The following GADL1 variants were observed in gnomAD, a reference collection of about 807,000 sequenced individuals.
GADL1 encodes the protein GAD like acidic amino acid decarboxylase 1.
GADL1 carries 71 observed loss-of-function variants against 69.5 expected under a neutral mutation model. The ratio of observed to expected loss-of-function variants is 1.02; its 90% confidence interval spans 0.84 to 1.25. The LOEUF (loss-of-function observed/expected upper bound fraction) is 1.25, where lower values mean the gene tolerates loss of function less well. GADL1 is among the 50% of genes most tolerant of loss of function. The pLI is 0.00. For missense variants in GADL1, 737 were observed against 631.8 expected (o/e 1.17, Z -1.79); for synonymous variants, 254 against 214.4 (o/e 1.18, Z -1.62).
Position 30,803,480 on chromosome 3 carries a change from T to C in GADL1, c.1051-2392A>G, listed in dbSNP as rs1283927496. ...TAAAAATCCCCAAAGCAAACGAACT[T>C]TGGACATTTCTTGAGCAAGTTTTAG... On this transcript the variant is annotated intron_variant, in intron 11 of 14. Transcript: ENST00000282538. Among the ~76,000 whole-genome samples, 3 of 152,128 alleles carry C rather than the reference T, an allele frequency of 2.0e-5. No individual in the cohort carries two copies. The East Asian group carries it at 5.8e-4, about 29-fold the overall frequency.
chr3:30,735,971 A>G (rs942246374), intron 14 of GADL1, among the ~76,000 whole-genome samples: 1 of 152,174 alleles, frequency 6.6e-6, no homozygotes, highest in Non-Finnish European at 1.5e-5. Flanking sequence ...GTGATGGACT[A>G]AATTAACATA....
chr3:30,766,782 TAAG>T (rs1389598722), intron 14 of GADL1, among the ~76,000 whole-genome samples: 1 of 152,002 alleles, frequency 6.6e-6, no homozygotes, highest in Non-Finnish European at 1.5e-5. Context: ...GAGGACAAGG[TAAG>T]AAGGTTGAGT....
chr3:30,844,440 G>T lies in GADL1; in HGVS notation c.678C>A (p.Ala226=), dbSNP rs778659210. 39 of 1,612,952 alleles carry T rather than the reference G, an allele frequency of 2.4e-5. No homozygotes were observed. Among genetic ancestry groups the T allele is most frequent in the Non-Finnish European group, 2.3e-5 (27 of 1,178,956 alleles). ...TCTCAGTGCCAATCCCAAGAAAAGA[G>T]GCTGCCTTCTTCATAGAGTAATGAC... ...AECHYSMKKA[A]SFLGIGTENV... is the part of the protein sequence containing the mutation. Residue 226 remains alanine (A), a synonymous_variant, in exon 7 of 15, where the codon GCC becomes GCA. Transcript: ENST00000282538.
intron 12 of GADL1, among the ~76,000 whole-genome samples, chr3:30,792,570 T>A (rs557080552): frequency 2.0e-5 from 3 of 152,236 alleles, no homozygotes; most frequent in Middle Eastern, 3.4e-3. Context: ...GAGCAAGATC[T>A]TCTCCAACAG....
intron 14 of GADL1, among the ~76,000 whole-genome samples, chr3:30,774,970 A>G (rs1402473026): frequency 6.6e-6 from 1 of 152,154 alleles, no homozygotes; most frequent in Non-Finnish European, 1.5e-5. Context: ...AGACCAGAAA[A>G]GAGACAAATA....
chr3:30,759,080 T>C (rs1696054417), intron 14 of GADL1, among the ~76,000 whole-genome samples: 1 of 151,984 alleles, frequency 6.6e-6, no homozygotes, highest in Non-Finnish European at 1.5e-5. Context: ...CCGTTTTTTT[T>C]CCAGTGCAGA....
rs562906333 is a variant in GADL1, at chr3:30,782,145, T to C, written c.1303-3877A>G. On this transcript the variant is annotated intron_variant, in intron 13 of 14. Transcript: ENST00000282538. ...TGGGAGTCATGTCATGAAGGACTTC[T>C]CGTATGATGTACTTGGAAGCTTGGG... Among the ~76,000 whole-genome samples the C allele has an allele frequency of 3.3e-5, 5 of 152,322 alleles. No homozygotes were observed. The South Asian group carries it at 1.0e-3, about 32-fold the overall frequency.
At chr3:30,855,476 G>T (rs1210173568) in intron 3 of GADL1, among the ~76,000 whole-genome samples, 1 of 151,966 alleles carries the variant, frequency 6.6e-6, no homozygotes, top group East Asian at 1.9e-4. Context: ...TTTCAGATTG[G>T]ACCCATGCGA....
chr3:30,785,401 C>T (rs1216783792), intron 13 of GADL1, among the ~76,000 whole-genome samples: 4 of 148,296 alleles, frequency 2.7e-5, no homozygotes, highest in African/African-American at 7.7e-5. Context: ...TTTTTCCCCC[C>T]GAGACAGAGT....
In GADL1 at chr3:30,786,353, A is replaced by G. The variant is rs1212790581; in HGVS notation, c.1302+2T>C. The G allele has an allele frequency of 1.9e-6, 3 of 1,551,098 alleles. No homozygotes were observed. Among genetic ancestry groups the G allele is most frequent in the Non-Finnish European group, 2.7e-6 (3 of 1,123,812 alleles). ...CACAAGCACAATTATGCAATCACTT[A>G]CTTCCATCAGTAACTTGAATCCTTC... On this transcript the variant is annotated splice_donor_variant, in intron 13 of 14. Transcript: ENST00000282538. LOFTEE classifies it high-confidence loss of function.
intron 11 of GADL1, among the ~76,000 whole-genome samples, chr3:30,811,429 C>T (rs1286919187): frequency 1.3e-5 from 2 of 152,168 alleles, no homozygotes; most frequent in African/African-American, 4.8e-5. Context: ...AAAAATAGTA[C>T]AATCGGTCTT....
At chr3:30,796,280 C>T (rs1463501544) in intron 12 of GADL1, among the ~76,000 whole-genome samples, 1 of 152,166 alleles carries the variant, frequency 6.6e-6, no homozygotes, top group Non-Finnish European at 1.5e-5. Context: ...TAGTGAGCAG[C>T]TATAAATAAT....
chr3:30,820,465 A>G (rs974600355), intron 11 of GADL1, among the ~76,000 whole-genome samples: 1 of 152,200 alleles, frequency 6.6e-6, no homozygotes, highest in African/African-American at 2.4e-5. Flanking sequence ...CAAGAGAATA[A>G]CTTAAAATCT....
intron 2 of GADL1, among the ~76,000 whole-genome samples, chr3:30,858,078 CA>C (rs548156537): frequency 2.9e-3 from 438 of 152,134 alleles, no homozygotes; most frequent in African/African-American, 0.01. Context: ...TTCCTTTTTA[CA>C]AAGCACTTAT....
intron 13 of GADL1, among the ~76,000 whole-genome samples, chr3:30,786,089 G>A (rs968885946): frequency 6.6e-6 from 1 of 152,042 alleles, no homozygotes; most frequent in African/African-American, 2.4e-5. Context: ...CCAAGATAGA[G>A]GTCATAATTT....
At chr3:30,839,591 A>T (rs1697934215) in intron 8 of GADL1, among the ~76,000 whole-genome samples, 1 of 151,118 alleles carries the variant, frequency 6.6e-6, no homozygotes, top group South Asian at 2.1e-4. Context: ...CTTGTAAAGT[A>T]AGTGCAGTTA....
chr3:30,809,336 C>T (rs1420026989), intron 11 of GADL1, among the ~76,000 whole-genome samples: 1 of 152,096 alleles, frequency 6.6e-6, no homozygotes, highest in East Asian at 1.9e-4. Context: ...GGAGAGAGAA[C>T]TTATTTTTTA....
At chr3:30,858,847 C>G (rs1698271607) in intron 2 of GADL1, among the ~76,000 whole-genome samples, 1 of 151,924 alleles carries the variant, frequency 6.6e-6, no homozygotes, top group East Asian at 1.9e-4. Flanking sequence ...CTGGGCATCA[C>G]CAACACTTAT....
At chr3:30,795,702 T>C (rs925404788) in intron 12 of GADL1, among the ~76,000 whole-genome samples, 1 of 152,168 alleles carries the variant, frequency 6.6e-6, no homozygotes, top group Non-Finnish European at 1.5e-5. Context: ...TTACTATAAA[T>C]CTTAATTCTA....
Sources: gnomAD v4.1 joint callset for allele counts (sites outside exome capture counted in the v4.1 genomes callset) on GRCh38, gnomAD v4.1.1 for gene constraint, MANE v1.5 for transcripts, NCBI Gene and HGNC (gene_info 2026-07-23, HGNC 2026-07-21) for gene names.